MAPK10: variants seen among roughly 807,000 people sequenced by gnomAD.
MAPK10 encodes the protein JNK3 alpha protein kinase.
A neutral mutation model predicts 59.3 loss-of-function variants in MAPK10; 25 were observed. The ratio of observed to expected loss-of-function variants is 0.42; its 90% confidence interval spans 0.31 to 0.59. MAPK10 has a LOEUF of 0.59. MAPK10 is among the 20% of genes least tolerant of loss of function. The pLI is 0.15. For synonymous variants in MAPK10, 190 were observed against 200.5 expected, an observed-to-expected ratio of 0.95 and a Z score of 0.44; for missense variants, 351 against 568.9, an observed-to-expected ratio of 0.62 and a Z score of 3.90.
chr4:86,373,502 T>C (rs1467512370), intron 1 of MAPK10, among the ~76,000 whole-genome samples: 1 of 152,156 alleles, frequency 6.6e-6, no homozygotes, highest in African/African-American at 2.4e-5. Context: ...ATTTTTGCAC[T>C]CTATCCATCT....
Position 86,333,282 on chromosome 4 carries a change from C to A in MAPK10, c.-7+21248G>T, listed in dbSNP as rs114321845. ...AGGAGAGTTCTGATAGGCATCAAAC[C>A]AATTTCATTCCTCTCATAAAGAACC... On this transcript the variant is annotated intron_variant, in intron 2 of 13. Transcript: ENST00000641462. 6.4e-3 allele frequency among the ~76,000 whole-genome samples: 981 copies of A among 152,238 alleles called. 13 individuals are homozygous for A. Among genetic ancestry groups the A allele is most frequent in the African/African-American group, 0.022 (922 of 41,526 alleles).
chr4:86,168,941 C>T (rs1393124192), intron 3 of MAPK10, among the ~76,000 whole-genome samples: 3 of 152,184 alleles, frequency 2.0e-5, no homozygotes, highest in Non-Finnish European at 2.9e-5. Context: ...CCTGCTGCTA[C>T]CCAGGCAAAC....
At chr4:86,547,008 C>A (rs546849182) in intron 1 of MAPK10, among the ~76,000 whole-genome samples, 2 of 152,104 alleles carry the variant, frequency 1.3e-5, no homozygotes, top group Non-Finnish European at 2.9e-5. Context: ...GCCGAGATTG[C>A]GCCACTGCAC....
intron 2 of MAPK10, among the ~76,000 whole-genome samples, chr4:86,272,664 C>T (rs188801760): frequency 2.5e-4 from 38 of 152,036 alleles, no homozygotes; most frequent in Admixed American, 1.2e-3. Flanking sequence ...CTTAATGTAA[C>T]TCTTGTCTGT....
intron 1 of MAPK10, among the ~76,000 whole-genome samples, chr4:86,435,745 C>T (rs528576962): frequency 1.3e-5 from 2 of 152,224 alleles, no homozygotes; most frequent in East Asian, 3.9e-4. Flanking sequence ...TGAATTAATC[C>T]TCTAAAACCC....
intron 1 of MAPK10, among the ~76,000 whole-genome samples, chr4:86,521,275 G>A (rs1434469819): frequency 6.6e-6 from 1 of 152,196 alleles, no homozygotes. Context: ...GCATCTAGTA[G>A]AAGGGGGATA....
intron 2 of MAPK10, among the ~76,000 whole-genome samples, chr4:86,321,203 A>T (rs1487498409): frequency 2.0e-5 from 3 of 152,058 alleles, no homozygotes; most frequent in Non-Finnish European, 4.4e-5. Flanking sequence ...TAGAACTAGA[A>T]ATACCATTTG....
chr4:86,143,059 G>A (rs1007776825), intron 4 of MAPK10, among the ~76,000 whole-genome samples: 1 of 152,164 alleles, frequency 6.6e-6, no homozygotes, highest in Non-Finnish European at 1.5e-5. Context: ...TGTTGGGGAG[G>A]TCTCAGGAAA....
At chr4:86,151,666 G>A (rs1006196969) in intron 4 of MAPK10, among the ~76,000 whole-genome samples, 1 of 152,136 alleles carries the variant, frequency 6.6e-6, no homozygotes, top group African/African-American at 2.4e-5. Flanking sequence ...AGTGTGACAG[G>A]TTCAGAGAAC....
At chr4:86,233,360 A>G (rs770104514) in intron 2 of MAPK10, among the ~76,000 whole-genome samples, 1 of 152,140 alleles carries the variant, frequency 6.6e-6, no homozygotes, top group Admixed American at 6.5e-5. Flanking sequence ...ATAATCAGAA[A>G]CCATAGTATG....
At chr4:86,348,846 C>A (rs987128673) in intron 2 of MAPK10, among the ~76,000 whole-genome samples, 1 of 152,050 alleles carries the variant, frequency 6.6e-6, no homozygotes, top group African/African-American at 2.4e-5. Context: ...GCGCTGCCAC[C>A]CTCCACCTCG....
chr4:86,325,074 C>G (rs188924301), intron 2 of MAPK10, among the ~76,000 whole-genome samples: 47 of 152,242 alleles, frequency 3.1e-4, no homozygotes, highest in Admixed American at 1.4e-3. Context: ...AACTCTCTCT[C>G]TGTTATAAAT....
chr4:86,139,646 T>G (rs1194223172), intron 4 of MAPK10, among the ~76,000 whole-genome samples: 1 of 152,044 alleles, frequency 6.6e-6, no homozygotes, highest in Non-Finnish European at 1.5e-5. Context: ...GTCTAAAACA[T>G]CAAAAGCAAT....
At chr4:86,206,217 C>T (rs1171420267) in intron 2 of MAPK10, among the ~76,000 whole-genome samples, 1 of 151,510 alleles carries the variant, frequency 6.6e-6, no homozygotes. Context: ...CGCAACAGTC[C>T]CCAGAGTGTG....
At chr4:86,308,776 A>G (rs2148864447) in intron 2 of MAPK10, 1 of 152,304 alleles carries the variant, frequency 6.6e-6, no homozygotes, top group Middle Eastern at 3.4e-3. Flanking sequence ...AAGAAAGCAT[A>G]CCATTTAAAA....
At chr4:86,207,323 T>A (rs1289835105) in intron 2 of MAPK10, among the ~76,000 whole-genome samples, 1 of 151,942 alleles carries the variant, frequency 6.6e-6, no homozygotes, top group Non-Finnish European at 1.5e-5. Context: ...CCATTGCTTG[T>A]TTTTCTCAGG....
intron 2 of MAPK10, among the ~76,000 whole-genome samples, chr4:86,259,191 A>G (rs1489958832): frequency 6.6e-6 from 1 of 151,796 alleles, no homozygotes; most frequent in African/African-American, 2.4e-5. Flanking sequence ...CTTTCTTCAT[A>G]TTTCTCCCTG....
chr4:86,372,103 C>G (rs1738857182), intron 1 of MAPK10, among the ~76,000 whole-genome samples: 1 of 152,182 alleles, frequency 6.6e-6, no homozygotes, highest in Non-Finnish European at 1.5e-5. Context: ...CCACATGATA[C>G]TTATTCTAAA....
At chr4:86,057,452 T>C (rs2044813748) in intron 11 of MAPK10, among the ~76,000 whole-genome samples, 1 of 150,102 alleles carries the variant, frequency 6.7e-6, no homozygotes, top group African/African-American at 2.5e-5. Flanking sequence ...CCAAACAAGT[T>C]AAATAATCAA....
Sources: allele counts gnomAD v4.1 joint callset (sites outside exome capture counted in the v4.1 genomes callset), GRCh38; gene constraint gnomAD v4.1.1; transcripts MANE v1.5; gene names NCBI Gene and HGNC (gene_info 2026-07-23, HGNC 2026-07-21).